LRRTM1: variants seen among roughly 807,000 people sequenced by gnomAD.
LRRTM1 encodes the protein leucine rich repeat transmembrane neuronal 1, also known as leucine-rich repeat transmembrane neuronal protein 1.
In LRRTM1, 8 loss-of-function variants were observed where a neutral mutation model predicts 37.3. That is an observed-to-expected ratio of 0.21 (90% CI 0.13 to 0.39). LRRTM1 has a LOEUF of 0.39. Ranked by LOEUF, LRRTM1 falls within the 10% of genes least tolerant of loss-of-function variation. The probability of loss-of-function intolerance (pLI) is 1.00; values close to 1 mark genes in which losing one functional copy is unlikely to be tolerated. For missense variants in LRRTM1, 557 were observed against 691.0 expected (o/e 0.81, Z 2.17); for synonymous variants, 326 against 316.8 (o/e 1.03, Z -0.31).
At chr2:80,304,121 A>G (rs944216523) in intron 1 of LRRTM1, 31 bp downstream of exon 1, 3 of 316,134 alleles carry the variant, frequency 9.5e-6, no homozygotes, top group African/African-American at 6.4e-5. Context: ...AATCTTCGGG[A>G]AAGAATTTAA....
At chr2:80,293,938 T>C (rs968474199) in intron 2 of LRRTM1, among the ~76,000 whole-genome samples, 4 of 151,784 alleles carry the variant, frequency 2.6e-5, no homozygotes, top group Non-Finnish European at 5.9e-5. Context: ...GTGGTGAAAC[T>C]ATGATGTCAA....
chr2:80,290,209 T>A (rs1266121895), intron 2 of LRRTM1, among the ~76,000 whole-genome samples: 12 of 151,024 alleles, frequency 7.9e-5, no homozygotes, highest in Non-Finnish European at 1.8e-4. Flanking sequence ...AAGCTCTGTC[T>A]AATTAATTCC....
intron 1 of LRRTM1, 48 bp downstream of exon 1, chr2:80,304,102 GAA>G: frequency 3.0e-6 from 1 of 336,742 alleles, no homozygotes; most frequent in East Asian, 4.5e-5. Context: ...GAAAAGGGAG[GAA>G]AAAAAAAATC....
intron 2 of LRRTM1, among the ~76,000 whole-genome samples, chr2:80,293,483 G>A (rs984292293): frequency 1.3e-5 from 2 of 152,174 alleles, no homozygotes; most frequent in Non-Finnish European, 2.9e-5. Flanking sequence ...CTTTATCCTG[G>A]CTTTACTTTA....
In LRRTM1 at chr2:80,304,102, G is replaced by GAA. The variant is rs766640093; in HGVS notation, c.-60+48_-60+49dup. The GAA allele has an allele frequency of 3.3e-5, 11 of 336,736 alleles. No individual in the cohort carries two copies. In the South Asian group the frequency reaches 1.5e-3, roughly 46 times the overall value. The allele number at this position is 336,736 out of a possible 1,614,324, so 20.9% of individuals were successfully genotyped here. ...AGATGCTGCAGCAAAGAAAAGGGAG[G>GAA]AAAAAAAAAATCTTCGGGAAAGAAT... On this transcript the variant is annotated intron_variant, in intron 1 of 1. Transcript: ENST00000295057.
chr2:80,303,311 G>A lies in LRRTM1; in HGVS notation c.509C>T (p.Ala170Val). Residue 170 changes from alanine (A) to valine (V), a missense_variant, in exon 2 of 2, where the codon GCC (alanine) becomes GTC (valine). Coordinates refer to ENST00000295057, the MANE Select transcript of LRRTM1 (RefSeq NM_178839.5). The surrounding 1 kb of genome is among the most constrained non-coding windows in gnomAD (Gnocchi z 7.7). Reference protein sequence around the residue: ...LRKLTTLHMRANAIQFVPVRI... With the variant: ...LRKLTTLHMRVNAIQFVPVRI... Reference sequence around the variant, plus strand: ...CACGGGCACAAACTGGATGGCGTTGGCCCGCATATGCAGCGTGGTGAGCTT... The same window carrying A: ...CACGGGCACAAACTGGATGGCGTTGACCCGCATATGCAGCGTGGTGAGCTT... 6.2e-7 allele frequency: 1 copy of A among 1,613,702 alleles called. No homozygotes were observed.
intron 2 of LRRTM1, among the ~76,000 whole-genome samples, chr2:80,293,915 A>G (rs1437560372): frequency 6.6e-6 from 1 of 151,972 alleles, no homozygotes; most frequent in African/African-American, 2.4e-5. Context: ...TGGGGTGGAG[A>G]CACAGAGGGG....
chr2:80,294,840 C>T (rs945455837), intron 2 of LRRTM1, among the ~76,000 whole-genome samples: 3 of 152,098 alleles, frequency 2.0e-5, no homozygotes, highest in Non-Finnish European at 4.4e-5. Flanking sequence ...CGAATTCCTT[C>T]TTCTCATAAC....
rs34285492 is a variant in LRRTM1, at chr2:80,303,718, G to A, written c.102C>T (p.Ala34=). 15 of 1,606,854 alleles carry A rather than the reference G, an allele frequency of 9.3e-6. No homozygotes were observed. The highest frequency in any genetic ancestry group is 6.7e-5 in the African/African-American group (5 of 74,894). Residue 34 remains alanine (A), a synonymous_variant, in exon 2 of 2, where the codon GCC becomes GCT. Coordinates refer to ENST00000295057, the MANE Select transcript of LRRTM1 (RefSeq NM_178839.5). This position sits in a 1 kb window ranked among gnomAD's most constrained non-coding sequence, Gnocchi z 7.7. Reference sequence around the variant, plus strand: ...ACAGCTGCGGGCACCCGCTGGGGGCGGCGGGCAGCATCTGAAAGCAGGCCC... The same window carrying A: ...ACAGCTGCGGGCACCCGCTGGGGGCAGCGGGCAGCATCTGAAAGCAGGCCC... The part of the protein sequence containing the change: ...LLGACFQMLP[A]APSGCPQLCR...
chr2:80,303,525 T>G lies in LRRTM1; in HGVS notation c.295A>C (p.Asn99His). The change falls in exon 2 of 2, where the codon AAT (asparagine) becomes CAT (histidine). Residue 99 changes from asparagine (N) to histidine (H), a missense_variant. Physicochemically the swap from Asn to His is moderately conservative, Grantham distance 68. This residue lies in a region of LRRTM1 where 140 missense variants were observed against 138.1 expected (regional missense o/e 1.01). Coordinates refer to ENST00000295057, the MANE Select transcript of LRRTM1 (RefSeq NM_178839.5). This position sits in a 1 kb window ranked among gnomAD's most constrained non-coding sequence, Gnocchi z 7.7. ...TCCCCCTGCACGGAGCAGATGTGAT[T>G]GTGATCCAGATAGAGCCACGTGAGC... ...MQLTWLYLDH[N>H]HICSVQGDAF... 1 of 1,614,208 alleles carries G rather than the reference T, an allele frequency of 6.2e-7. No individual in the cohort carries two copies. Among genetic ancestry groups the G allele is most frequent in the Non-Finnish European group, 8.5e-7 (1 of 1,180,042 alleles).
chr2:80,289,577 G>A (rs1316179298), intron 2 of LRRTM1, among the ~76,000 whole-genome samples: 1 of 152,272 alleles, frequency 6.6e-6, no homozygotes, highest in East Asian at 1.9e-4. Flanking sequence ...TGGTGATGGG[G>A]CAGGAGTGGG....
downstream of LRRTM1, chr2:80,299,516 T>TC (rs1382211292): frequency 6.6e-6 from 1 of 152,188 alleles, no homozygotes; most frequent in Non-Finnish European, 1.5e-5. Flanking sequence ...AACATAGCTT[T>TC]CTATGGTCAT....
chr2:80,288,954 A>G (rs1675002606), exon 3 of LRRTM1: 1 of 152,144 alleles, frequency 6.6e-6, no homozygotes, highest in Admixed American at 6.6e-5. Context: ...ACTGTTTCTC[A>G]TGGGCCGACA....
At chr2:80,300,585 T>TC (rs913422837), downstream of LRRTM1, among the ~76,000 whole-genome samples, 3 of 151,026 alleles carry the variant, frequency 2.0e-5, no homozygotes, top group Admixed American at 6.6e-5. Flanking sequence ...TGGTTCCCCA[T>TC]CCCCCCATTC....
chr2:80,296,066 G>A (rs1472321065), intron 2 of LRRTM1, among the ~76,000 whole-genome samples: 3 of 151,804 alleles, frequency 2.0e-5, no homozygotes, highest in South Asian at 2.1e-4. Flanking sequence ...AGTTTTTTAC[G>A]ATTATTGCGG....
Position 80,302,270 on chromosome 2 carries a change from G to A in LRRTM1, c.1550C>T (p.Ala517Val), listed in dbSNP as rs1232142726. The A allele has an allele frequency of 1.2e-6, 2 of 1,613,664 alleles. No homozygotes were observed. Among genetic ancestry groups the A allele is most frequent in the African/African-American group, 2.7e-5 (2 of 75,044 alleles). ...GGACAATCACACCTCGCATTCCCTC[G>A]CGGGCTGCTGGTGGCAGGTACACGA... is the stretch of plus-strand genomic sequence containing the variant. ...YGSCTCHQQP[A>V]RECEV is the part of the protein sequence containing the mutation. Residue 517 changes from alanine (A) to valine (V), a missense_variant, in exon 2 of 2, where the codon GCG (alanine) becomes GTG (valine). This residue lies in a region of LRRTM1 where 90 missense variants were observed against 149.4 expected (regional missense o/e 0.60). Coordinates refer to ENST00000295057, the MANE Select transcript of LRRTM1 (RefSeq NM_178839.5). This position sits in a 1 kb window ranked among gnomAD's most constrained non-coding sequence, Gnocchi z 6.4.
chr2:80,303,684 C>A lies in LRRTM1; in HGVS notation c.136G>T (p.Glu46Ter), dbSNP rs1676603729. Residue 46 changes from glutamate to a stop codon, truncating the protein, a stop_gained, in exon 2 of 2, where the codon GAG becomes TAG. Transcript: ENST00000295057. LOFTEE classifies it high-confidence loss of function. The surrounding 1 kb of genome is among the most constrained non-coding windows in gnomAD (Gnocchi z 7.7). ...GCCTCGCAGTACAGCAGCCGCCCCT[C>A]GCACCGGCACAGCTGCGGGCACCCG... The part of the protein sequence containing the change: ...PSGCPQLCRC[E>*]GRLLYCEALN... The A allele has an allele frequency of 6.2e-7, 1 of 1,610,716 alleles. No individual in the cohort carries two copies. Among genetic ancestry groups the A allele is most frequent in the African/African-American group, 1.3e-5 (1 of 74,876 alleles).
rs1292039462 is a variant in LRRTM1, at chr2:80,302,814, A to G, written c.1006T>C (p.Tyr336His). The G allele has an allele frequency of 6.2e-7, 1 of 1,613,920 alleles. No individual in the cohort carries two copies. Among genetic ancestry groups the G allele is most frequent in the Middle Eastern group, 1.6e-4 (1 of 6,062 alleles). ...CTGGCGCACTGCAAGTTGCCATCGT[A>G]GCGCCCCTGGAAGTTGTTGAGCCAC... is the stretch of plus-strand genomic sequence containing the variant. ...ASWLNNFQGRYDGNLQCASPE... is the reference protein window; with the variant it reads ...ASWLNNFQGRHDGNLQCASPE... Residue 336 changes from tyrosine (Y) to histidine (H), a missense_variant, in exon 2 of 2, where the codon TAC becomes CAC. By Grantham distance (83) the Tyr-to-His change is moderately conservative. This residue lies in a region of LRRTM1 where 200 missense variants were observed against 249.9 expected (regional missense o/e 0.80). Coordinates refer to ENST00000295057, the MANE Select transcript of LRRTM1 (RefSeq NM_178839.5). The surrounding 1 kb of genome is among the most constrained non-coding windows in gnomAD (Gnocchi z 6.4).
At chr2:80,297,093 C>T (rs1675814936), downstream of LRRTM1, among the ~76,000 whole-genome samples, 1 of 152,150 alleles carries the variant, frequency 6.6e-6, no homozygotes, top group South Asian at 2.1e-4. Flanking sequence ...TTGGCAGAGT[C>T]CTGCATTGCC....
Sources: allele counts gnomAD v4.1 joint callset (sites outside exome capture counted in the v4.1 genomes callset), GRCh38; gene constraint gnomAD v4.1.1; regional missense constraint gnomAD v4.1.1; non-coding constraint Gnocchi (gnomAD v3.1); transcripts MANE v1.5; gene names NCBI Gene and HGNC (gene_info 2026-07-23, HGNC 2026-07-21).